HBS1L: variants seen among roughly 807,000 people sequenced by gnomAD.
HBS1L encodes the protein HBS1 like translational GTPase, also known as HBS1-like protein.
A neutral mutation model predicts 88.9 loss-of-function variants in HBS1L; 55 were observed. The observed-to-expected ratio is 0.62, with a 90% confidence interval of 0.50 to 0.77. The LOEUF (loss-of-function observed/expected upper bound fraction) is 0.77, where lower values mean the gene tolerates loss of function less well. HBS1L is among the 30% of genes least tolerant of loss of function. The pLI is 0.00. For synonymous variants in HBS1L, 267 were observed against 288.5 expected, an observed-to-expected ratio of 0.93 and a Z score of 0.76; for missense variants, 741 against 829.3, an observed-to-expected ratio of 0.89 and a Z score of 1.31.
intron 3 of HBS1L, among the ~76,000 whole-genome samples, chr6:135,040,928 T>C (rs1776715533): frequency 6.6e-6 from 1 of 152,072 alleles, no homozygotes. Flanking sequence ...ATTTCTTTTG[T>C]AATCCTCATA....
intron 5 of HBS1L, among the ~76,000 whole-genome samples, chr6:135,001,323 C>A (rs926201981): frequency 6.6e-6 from 1 of 152,088 alleles, no homozygotes; most frequent in Non-Finnish European, 1.5e-5. Flanking sequence ...CATTTATTAC[C>A]CATTATCTTT....
chr6:134,999,448 C>CTTTTTTTTTTTTTT (rs35807723), intron 5 of HBS1L, among the ~76,000 whole-genome samples: 11 of 124,770 alleles, frequency 8.8e-5, no homozygotes, highest in Non-Finnish European at 1.1e-4. Context: ...TTTTTCTTTT[C>CTTTTTTTTTTTTTT]TTTTTTTTTT....
chr6:134,985,343 T>C lies in HBS1L; in HGVS notation c.1490A>G (p.Lys497Arg). ...AGCACTACAAAGGTAGCACTTACCT[T>C]TGAAAACATCGGACACACATAATCT... The part of the protein sequence containing the change: ...PFRLCVSDVF[K>R]DQGSGFCITG... The change falls in exon 12 of 18, where the codon AAA (lysine) becomes AGA (arginine). Residue 497 changes from lysine to arginine, a missense_variant and splice_region_variant. Lys to Arg is a conservative substitution (Grantham distance 26). Transcript: ENST00000367837. 6.2e-7 allele frequency: 1 copy of C among 1,601,108 alleles called. No individual in the cohort carries two copies. Among genetic ancestry groups the C allele is most frequent in the East Asian group, 2.2e-5 (1 of 44,532 alleles).
intron 7 of HBS1L, among the ~76,000 whole-genome samples, chr6:134,994,348 C>T (rs1775231115): frequency 6.6e-6 from 1 of 152,028 alleles, no homozygotes; most frequent in Non-Finnish European, 1.5e-5. Flanking sequence ...ATTTAGAAAA[C>T]ATAAGATATC....
In HBS1L at chr6:134,965,301, A is replaced by C. The variant is rs758995716; in HGVS notation, c.2044-11T>G. The C allele has an allele frequency of 7.3e-6, 1 of 137,716 alleles. No homozygotes were observed. Among genetic ancestry groups the C allele is most frequent in the Non-Finnish European group, 1.2e-5 (1 of 82,708 alleles). The allele number at this position is 137,716 out of a possible 1,614,324, so 8.5% of individuals were successfully genotyped here. ...CCATCATTCTTTTATCTGTTAAAAC[A>C]AAAAAAAAAAAGACATTTGCTGTAA... is the stretch of plus-strand genomic sequence containing the variant. On this transcript the variant is annotated splice_polypyrimidine_tract_variant and intron_variant, in intron 17 of 17. Transcript: ENST00000367837.
At chr6:135,044,407 T>C (rs1037005015) in intron 2 of HBS1L, among the ~76,000 whole-genome samples, 4 of 152,180 alleles carry the variant, frequency 2.6e-5, no homozygotes, top group African/African-American at 9.7e-5. Flanking sequence ...TAGGGATACA[T>C]ATATCCCTAT....
chr6:135,052,363 G>A (rs1422908549), intron 1 of HBS1L, among the ~76,000 whole-genome samples: 4 of 152,052 alleles, frequency 2.6e-5, no homozygotes, highest in Non-Finnish European at 5.9e-5. Context: ...TTGGGAAGCC[G>A]AGGAGGGAGG....
At chr6:134,995,413 C>T (rs925167659) in intron 7 of HBS1L, among the ~76,000 whole-genome samples, 1 of 151,920 alleles carries the variant, frequency 6.6e-6, no homozygotes, top group Non-Finnish European at 1.5e-5. Flanking sequence ...TATTCTAAAA[C>T]TTATATCATG....
intron 4 of HBS1L, among the ~76,000 whole-genome samples, chr6:135,033,307 A>C (rs1583140785): frequency 6.6e-6 from 1 of 152,224 alleles, no homozygotes; most frequent in Non-Finnish European, 1.5e-5. Flanking sequence ...AGCAATCAAT[A>C]AACAGCAGCT....
rs1583048715 is a variant in HBS1L, at chr6:134,963,967, T to C, written c.*1312A>G. ...AATATTTAAATAAAACTTTCTTAAC[T>C]CAGTGAATCTGAAGTGACAACTACA... On this transcript the variant is annotated 3_prime_UTR_variant, in exon 18 of 18. Transcript: ENST00000367837. 3 of 152,336 alleles carry C rather than the reference T, an allele frequency of 2.0e-5. No homozygotes were observed. The highest frequency in any genetic ancestry group is 4.1e-4 in the South Asian group (2 of 4,826). The allele number at this position is 152,336 out of a possible 1,614,324, so 9.4% of individuals were successfully genotyped here.
intron 4 of HBS1L, among the ~76,000 whole-genome samples, chr6:135,034,426 C>A (rs561238971): frequency 6.6e-6 from 1 of 152,214 alleles, no homozygotes; most frequent in South Asian, 2.1e-4. Flanking sequence ...GGCGGATCAT[C>A]TGAGGTCAGG....
In HBS1L at chr6:135,004,691, G is replaced by A. The variant is rs141881447; in HGVS notation, c.431-1849C>T. On this transcript the variant is annotated intron_variant, in intron 4 of 17. Transcript: ENST00000367837. ...GAGAGGATGAAGTAAAGGGACATCT[G>A]AAAACAAACAGTTTAGGGAAAATTT... Among the ~76,000 whole-genome samples the A allele has an allele frequency of 6.7e-3, 1,026 of 152,302 alleles. 10 individuals carry two copies. Among genetic ancestry groups the A allele is most frequent in the African/African-American group, 0.02 (850 of 41,558 alleles).
rs1349448954 is a variant in HBS1L at position 134,960,595 on chromosome 6, T to C, written c.*4684A>G. On this transcript the variant is annotated 3_prime_UTR_variant, in exon 18 of 18. Transcript: ENST00000367837. ...TCTCTTAATTTTTTTTTACTTGCTT[T>C]AAATTCTTTGTCCAGTGTTAATATT... 6.6e-6 allele frequency: 1 copy of C among 152,184 alleles called. No homozygotes were observed. Among genetic ancestry groups the C allele is most frequent in the Non-Finnish European group, 1.5e-5 (1 of 67,992 alleles). 9.4% of individuals were successfully genotyped at this position (152,184 alleles called of 1,614,324 possible).
At chr6:135,023,089 T>C (rs1776119216) in intron 4 of HBS1L, among the ~76,000 whole-genome samples, 1 of 151,556 alleles carries the variant, frequency 6.6e-6, no homozygotes, top group African/African-American at 2.4e-5. Flanking sequence ...CTGTTCTTTA[T>C]CTTTTTTTTT....
Position 134,979,163 on chromosome 6 carries a change from C to T in HBS1L, c.1688+15G>A, listed in dbSNP as rs1299457400. 2 of 1,593,060 alleles carry T rather than the reference C, an allele frequency of 1.3e-6. No individual in the cohort carries two copies. The highest frequency in any genetic ancestry group is 1.1e-5 in the South Asian group (1 of 90,496). On this transcript the variant is annotated intron_variant, in intron 14 of 17. Coordinates refer to ENST00000367837, the MANE Select transcript of HBS1L (RefSeq NM_006620.4). ...TATGAAGACAACGGTTGCTTAAACT[C>T]ATTTTCTCACTCACTTGATTTTGAT...
intron 2 of HBS1L, among the ~76,000 whole-genome samples, chr6:135,047,693 T>C (rs1419023876): frequency 6.6e-6 from 1 of 152,234 alleles, no homozygotes; most frequent in Non-Finnish European, 1.5e-5. Flanking sequence ...TCCACCCATA[T>C]ACCACCTTTA....
At chr6:135,038,893 G>C (rs1583149718) in intron 4 of HBS1L, among the ~76,000 whole-genome samples, 1 of 152,138 alleles carries the variant, frequency 6.6e-6, no homozygotes, top group East Asian at 1.9e-4. Context: ...TTAGCTGGCT[G>C]TCAATTTCCT....
In HBS1L at chr6:134,997,023, A is replaced by G. The variant is rs1012037614; in HGVS notation, c.800-81T>C. 30 of 1,018,292 alleles carry G rather than the reference A, an allele frequency of 2.9e-5. No individual in the cohort carries two copies. In the African/African-American group the frequency reaches 4.2e-4, roughly 14 times the overall value. 63.1% of individuals were successfully genotyped at this position (1,018,292 alleles called of 1,614,324 possible). On this transcript the variant is annotated intron_variant, in intron 6 of 17. Coordinates refer to ENST00000367837, the MANE Select transcript of HBS1L (RefSeq NM_006620.4). ...AGGCATTGCATAAATGTGTAATTCA[A>G]TATTTCATGTCAGTGGTTTACAGTA...
rs1047288605 is a variant in HBS1L at position 135,037,050 on chromosome 6, A to C, written c.430+2523T>G. Reference sequence around the variant, plus strand: ...AACTGACCTCAAAGGACTCTTTCTTAATCTGAGAGTTGTCTACATCAATTG... The same window carrying C: ...AACTGACCTCAAAGGACTCTTTCTTCATCTGAGAGTTGTCTACATCAATTG... On this transcript the variant is annotated intron_variant, in intron 4 of 17. Transcript: ENST00000367837. 5.2e-6 allele frequency: 8 copies of C among 1,551,566 alleles called. No homozygotes were observed. The African/African-American group carries it at 1.1e-4, about 21-fold the overall frequency.
Sources: allele counts gnomAD v4.1 joint callset (sites outside exome capture counted in the v4.1 genomes callset), GRCh38; gene constraint gnomAD v4.1.1; transcripts MANE v1.5; gene names NCBI Gene and HGNC (gene_info 2026-07-23, HGNC 2026-07-21).